The following STK33 variants were observed in gnomAD, a reference collection of about 807,000 sequenced individuals.
STK33 encodes serine/threonine-protein kinase 33.
STK33 carries 52 observed loss-of-function variants against 58.0 expected under a neutral mutation model. That is an observed-to-expected ratio of 0.90 (90% CI 0.72 to 1.13). STK33 has a LOEUF of 1.13. Ranked by LOEUF, STK33 falls within the 50% of genes most tolerant of loss-of-function variation. The pLI, the probability that STK33 is intolerant of heterozygous loss-of-function variation, is 0.00. For synonymous variants in STK33, 215 were observed against 200.1 expected, an observed-to-expected ratio of 1.07 and a Z score of -0.63; for missense variants, 630 against 604.2, an observed-to-expected ratio of 1.04 and a Z score of -0.45.
the STK33 span, among the ~76,000 whole-genome samples, chr11:8,363,744 A>T: frequency 6.6e-6 from 1 of 152,220 alleles, no homozygotes; most frequent in Non-Finnish European, 1.5e-5. Flanking sequence ...GACCTTTAGA[A>T]GTTTCTTTGT....
rs551203027 is a variant in STK33, at chr11:8,491,173, C to T, written c.-465-10559G>A. Among the ~76,000 whole-genome samples the T allele has an allele frequency of 1.1e-3, 170 of 152,214 alleles. 1 individual carries two copies. The highest frequency in any genetic ancestry group is 4.3e-3 in the Admixed American group (66 of 15,280). On this transcript the variant is annotated intron_variant, in intron 1 of 15. Coordinates refer to ENST00000687296, the MANE Select transcript of STK33 (RefSeq NM_001352389.2). ...GCTAAATGAGGATGTTTGAACCTAT[C>T]GCAAGGAAGCTAAAAACCTTGAAAA...
chr11:8,542,647 G>T (rs560226567), intron 1 of STK33, among the ~76,000 whole-genome samples: 3 of 152,202 alleles, frequency 2.0e-5, no homozygotes, highest in South Asian at 2.1e-4. Context: ...TGCCAAGCAC[G>T]TGATCAAATA....
At chr11:8,369,613 G>C in the STK33 span, among the ~76,000 whole-genome samples, 1 of 152,218 alleles carries the variant, frequency 6.6e-6, no homozygotes, top group South Asian at 2.1e-4. Flanking sequence ...CGCCTCTGCA[G>C]CCAGTGGGAG....
At chr11:8,386,969 C>T (rs1252086113), downstream of STK33, among the ~76,000 whole-genome samples, 1 of 152,172 alleles carries the variant, frequency 6.6e-6, no homozygotes, top group Non-Finnish European at 1.5e-5. Flanking sequence ...CTGTGAATTC[C>T]TGAGGAAAGA....
At chr11:8,519,865 A>C (rs1953223584) in intron 1 of STK33, among the ~76,000 whole-genome samples, 1 of 152,156 alleles carries the variant, frequency 6.6e-6, no homozygotes, top group African/African-American at 2.4e-5. Flanking sequence ...CCTACCAACC[A>C]AAAAAAGTCC....
chr11:8,521,304 C>T (rs1057234951), intron 1 of STK33, among the ~76,000 whole-genome samples: 1 of 151,934 alleles, frequency 6.6e-6, no homozygotes, highest in African/African-American at 2.4e-5. Context: ...CAGAACAGAG[C>T]CCTTGGAAAT....
intron 1 of STK33, among the ~76,000 whole-genome samples, chr11:8,559,462 A>T (rs531344161): frequency 6.6e-6 from 1 of 152,318 alleles, no homozygotes; most frequent in South Asian, 2.1e-4. Context: ...GAAATGTCTG[A>T]ACCGCTATTT....
the STK33 span, among the ~76,000 whole-genome samples, chr11:8,370,841 T>G: frequency 2.6e-5 from 4 of 152,154 alleles, no homozygotes; most frequent in East Asian, 7.7e-4. Flanking sequence ...ATTTGGTTCC[T>G]GGGCTCCATG....
At chr11:8,449,026 GA>G (rs1191331497) in intron 11 of STK33, among the ~76,000 whole-genome samples, 1 of 151,824 alleles carries the variant, frequency 6.6e-6, no homozygotes, top group African/African-American at 2.4e-5. Context: ...AAAGACACGT[GA>G]AAAAATGCTC....
intron 1 of STK33, among the ~76,000 whole-genome samples, chr11:8,503,219 A>G (rs1284082050): frequency 6.6e-6 from 1 of 152,214 alleles, no homozygotes; most frequent in African/African-American, 2.4e-5. Flanking sequence ...AATCAACCTA[A>G]ATGTCCATCC....
intron 1 of STK33, among the ~76,000 whole-genome samples, chr11:8,492,256 C>G (rs1950680799): frequency 6.6e-6 from 1 of 151,604 alleles, no homozygotes; most frequent in African/African-American, 2.4e-5. Context: ...GAAGATCTAC[C>G]AAGCAAATGG....
Position 8,560,906 on chromosome 11 carries a change from G to C in STK33, c.-466+33177C>G, listed in dbSNP as rs1957073069. The stretch of plus-strand genomic sequence containing the variant: ...AGTGCCTAGATTTCAACTGAGACTA[G>C]CAGATTCATCAACTACAGGCTGTTA... On this transcript the variant is annotated intron_variant, in intron 1 of 15. Transcript: ENST00000687296. 2.6e-5 allele frequency among the ~76,000 whole-genome samples: 4 copies of C among 152,128 alleles called. No homozygotes were observed. In the South Asian group the frequency reaches 8.3e-4, roughly 31 times the overall value.
intron 1 of STK33, among the ~76,000 whole-genome samples, chr11:8,570,304 C>A (rs1957721355): frequency 6.6e-6 from 1 of 152,024 alleles, no homozygotes; most frequent in African/African-American, 2.4e-5. Context: ...CAACAAGAAC[C>A]CTCATTTGTT....
At chr11:8,564,173 T>G (rs541972031) in intron 1 of STK33, among the ~76,000 whole-genome samples, 107 of 152,322 alleles carry the variant, frequency 7.0e-4, no homozygotes, top group African/African-American at 2.5e-3. Context: ...TGGAAAGCTA[T>G]CTGAAGAAGA....
chr11:8,563,833 AGTTG>A (rs1381441679), intron 1 of STK33, among the ~76,000 whole-genome samples: 2 of 152,196 alleles, frequency 1.3e-5, no homozygotes, highest in Non-Finnish European at 2.9e-5. Flanking sequence ...GACAGCAATC[AGTTG>A]GCCAGGGAAA....
At chr11:8,344,130 C>T in the STK33 span, among the ~76,000 whole-genome samples, 2 of 151,486 alleles carry the variant, frequency 1.3e-5, no homozygotes, top group East Asian at 1.9e-4. Context: ...GTGAGAGAAT[C>T]GAGTGAGGTC....
At chr11:8,544,560 A>G in intron 1 of STK33, among the ~76,000 whole-genome samples, 1 of 151,762 alleles carries the variant, frequency 6.6e-6, no homozygotes, top group Non-Finnish European at 1.5e-5. Context: ...AGTGAACTAT[A>G]TATTCAAAGA....
At chr11:8,489,645 G>A (rs1440497356) in intron 1 of STK33, among the ~76,000 whole-genome samples, 5 of 152,164 alleles carry the variant, frequency 3.3e-5, no homozygotes, top group African/African-American at 4.8e-5. Flanking sequence ...TGAGGGCAGA[G>A]CTCTTATGAC....
chr11:8,569,076 C>G (rs1957631288), intron 1 of STK33, among the ~76,000 whole-genome samples: 2 of 152,146 alleles, frequency 1.3e-5, no homozygotes, highest in South Asian at 4.1e-4. Context: ...AAAAACATCA[C>G]AAGGCATGAA....
Sources: allele counts gnomAD v4.1 joint callset (sites outside exome capture counted in the v4.1 genomes callset), GRCh38; gene constraint gnomAD v4.1.1; transcripts MANE v1.5; gene names NCBI Gene and HGNC (gene_info 2026-07-23, HGNC 2026-07-21).